Variants in AQR observed in about 807,000 individuals in gnomAD.
AQR encodes RNA helicase aquarius.
A neutral mutation model predicts 180.5 loss-of-function variants in AQR; 61 were observed. The observed-to-expected ratio is 0.34, with a 90% CI of 0.28 to 0.42. The LOEUF is 0.42. Among genes scored for constraint, AQR ranks in the 10% least tolerant of loss-of-function variants. The probability of loss-of-function intolerance (pLI) is 1.00; values close to 1 mark genes in which losing one functional copy is unlikely to be tolerated. For missense variants in AQR, 1,281 were observed against 1,798.3 expected (o/e 0.71, Z 5.20); for synonymous variants, 551 against 588.8 (o/e 0.94, Z 0.93).
intron 30 of AQR, 60 bp from the exon 31 acceptor site, chr15:34,870,982 A>T: frequency 6.5e-7 from 1 of 1,535,962 alleles, no homozygotes; most frequent in Non-Finnish European, 8.9e-7. Context: ...TTTTATAGAG[A>T]AAATATCTCA....
At chr15:34,937,828 G>A (rs983596616) in intron 9 of AQR, among the ~76,000 whole-genome samples, 2 of 151,844 alleles carry the variant, frequency 1.3e-5, no homozygotes, top group East Asian at 1.9e-4. Flanking sequence ...AGGTTGCAGT[G>A]AGCCAAGATT....
chr15:34,900,595 G>A, intron 20 of AQR, 27 bp downstream of exon 20: 1 of 1,603,468 alleles, frequency 6.2e-7, no homozygotes, highest in Non-Finnish European at 8.5e-7. Flanking sequence ...GAATGCTGGA[G>A]AGGAGCGTAC....
At chr15:34,959,007 AT>A (rs1894375171) in intron 3 of AQR, among the ~76,000 whole-genome samples, 5 of 139,390 alleles carry the variant, frequency 3.6e-5, no homozygotes, top group Non-Finnish European at 7.8e-5. Flanking sequence ...AGATATAGAT[AT>A]AGATATAGAT....
rs1385169135 is a variant in AQR, at chr15:34,915,048, T to C, written c.1474A>G (p.Met492Val). The C allele has an allele frequency of 6.2e-7, 1 of 1,603,744 alleles. No homozygotes were observed. Among genetic ancestry groups the C allele is most frequent in the Non-Finnish European group, 8.5e-7 (1 of 1,177,198 alleles). The change falls in exon 16 of 35, where the codon ATG (methionine) becomes GTG (valine). Residue 492 changes from methionine to valine, a missense_variant. Met to Val is a conservative substitution (Grantham distance 21). Around this residue, in one of 9 missense-constraint regions of AQR, gnomAD observed 200 missense variants for 293.4 expected, o/e 0.68. Transcript: ENST00000156471. ...RQDIEDSVSR[M>V]KPWQSEYGGV... ...AACCAATTTACTAACCATGGCTTCA[T>C]TCTGCTGACACTATCTTCAATGTCC... is the stretch of plus-strand genomic sequence containing the variant.
At chr15:34,907,306 G>A (rs1893433056) in intron 17 of AQR, among the ~76,000 whole-genome samples, 1 of 152,236 alleles carries the variant, frequency 6.6e-6, no homozygotes, top group South Asian at 2.1e-4. Context: ...GGAGACTTGT[G>A]CCAGAGTCCA....
intron 8 of AQR, among the ~76,000 whole-genome samples, chr15:34,939,986 C>T (rs553387898): frequency 6.6e-6 from 1 of 152,222 alleles, no homozygotes; most frequent in African/African-American, 2.4e-5. Flanking sequence ...CTATACATAT[C>T]CCAATCATTA....
At chr15:34,895,224 AAC>A (rs1566984273) in intron 22 of AQR, among the ~76,000 whole-genome samples, 4 of 118,696 alleles carry the variant, frequency 3.4e-5, no homozygotes, top group Non-Finnish European at 5.3e-5. Context: ...ATATATATGA[AAC>A]AAATAAAAAC....
chr15:34,902,801 C>T (rs1431379174), intron 19 of AQR, among the ~76,000 whole-genome samples: 1 of 152,068 alleles, frequency 6.6e-6, no homozygotes. Context: ...CTCCATCCTT[C>T]GATCACTCAA....
At chr15:34,907,420 C>T (rs900988399) in intron 17 of AQR, among the ~76,000 whole-genome samples, 1 of 152,216 alleles carries the variant, frequency 6.6e-6, no homozygotes, top group Non-Finnish European at 1.5e-5. Context: ...GACCTCACAG[C>T]ATGTAATGCT....
chr15:34,927,663 GAGATAATATCCCT>G (rs11267857), intron 12 of AQR, among the ~76,000 whole-genome samples: 60,373 of 152,034 alleles, frequency 0.4, 14,548 homozygotes, highest in Non-Finnish European at 0.54. Flanking sequence ...CAGAGTGACT[GAGATAATATCCCT>G]AGTCTTCCTT....
At chr15:34,896,718 G>A (rs758977283) in intron 22 of AQR, among the ~76,000 whole-genome samples, 179 bp downstream of exon 22, 11 of 152,068 alleles carry the variant, frequency 7.2e-5, no homozygotes, top group Non-Finnish European at 1.5e-4. Flanking sequence ...GCATGGTGGC[G>A]GGTACCTGTA....
chr15:34,883,852 T>C (rs1217263475), intron 26 of AQR, among the ~76,000 whole-genome samples: 4 of 152,192 alleles, frequency 2.6e-5, no homozygotes, highest in African/African-American at 4.8e-5. Flanking sequence ...TCTGTTCCCA[T>C]TGTGTAGCTA....
intron 19 of AQR, among the ~76,000 whole-genome samples, chr15:34,902,388 A>G (rs1447456934): frequency 1.3e-5 from 2 of 152,208 alleles, no homozygotes; most frequent in Admixed American, 1.3e-4. Context: ...CTACACAGAT[A>G]CATAATGAAA....
At chr15:34,923,010 T>C (rs1289381721) in intron 13 of AQR, among the ~76,000 whole-genome samples, 1 of 152,152 alleles carries the variant, frequency 6.6e-6, no homozygotes, top group Non-Finnish European at 1.5e-5. Context: ...CCCTTATCTG[T>C]GGTTTCACTT....
At chr15:34,930,477 A>G (rs1365916362) in intron 11 of AQR, 106 bp from the exon 12 acceptor site, 3 of 614,314 alleles carry the variant, frequency 4.9e-6, no homozygotes, top group Non-Finnish European at 8.4e-6. Context: ...AGAGGTGCTG[A>G]AAAAACTCAG....
Position 34,964,231 on chromosome 15 carries a change from T to TA in AQR, c.132+2dup. On this transcript the variant is annotated splice_region_variant and intron_variant, in intron 2 of 34. Transcript: ENST00000156471. ...GAATTATGTTGAAACCAAAAATACT[T>TA]ACCTTTATATCAAAAGGTGATTTCT... 1 of 1,594,832 alleles carries TA rather than the reference T, an allele frequency of 6.3e-7. No individual in the cohort carries two copies. Among genetic ancestry groups the TA allele is most frequent in the Non-Finnish European group, 8.6e-7 (1 of 1,164,480 alleles).
Position 34,888,871 on chromosome 15 carries a change from T to C in AQR, c.2681+1344A>G, listed in dbSNP as rs1167679144. Among the ~76,000 whole-genome samples, 3 of 152,336 alleles carry C rather than the reference T, an allele frequency of 2.0e-5. No homozygotes were observed. In the East Asian group the frequency reaches 5.8e-4, roughly 29 times the overall value. On this transcript the variant is annotated intron_variant, in intron 24 of 34. Coordinates refer to ENST00000156471, the MANE Select transcript of AQR (RefSeq NM_014691.3). ...TGATGCTACTTTTATTGTGAAACAA[T>C]AGTCATAATTTTTCTTTTTAATTGT...
Position 34,855,520 on chromosome 15 carries a change from T to C in AQR, c.*1272A>G, listed in dbSNP as rs1034700627. On this transcript the variant is annotated 3_prime_UTR_variant, in exon 35 of 35. Coordinates refer to ENST00000156471, the MANE Select transcript of AQR (RefSeq NM_014691.3). The stretch of plus-strand genomic sequence containing the variant: ...CAATTTTCCCCTCTACACATACATA[T>C]AAACATTTCCTTTTTTTTTTTTTTT... 2.9e-5 allele frequency: 4 copies of C among 138,684 alleles called. No homozygotes were observed. The highest frequency in any genetic ancestry group is 2.3e-4 in the Admixed American group (3 of 13,070). The allele number at this position is 138,684 out of a possible 1,614,324, so 8.6% of individuals were successfully genotyped here. A position where few individuals can be genotyped will look rare whatever the true frequency, so the allele number is the denominator to read the frequency against.
At chr15:34,944,518 A>G in intron 5 of AQR, 90 bp from the exon 6 acceptor site, 1 of 1,304,612 alleles carries the variant, frequency 7.7e-7, no homozygotes, top group East Asian at 2.5e-5. Flanking sequence ...CAGTCTATTA[A>G]AAAAACCAAA....
Sources: allele counts gnomAD v4.1 joint callset (sites outside exome capture counted in the v4.1 genomes callset), GRCh38; gene constraint gnomAD v4.1.1; regional missense constraint gnomAD v4.1.1; transcripts MANE v1.5; gene names NCBI Gene and HGNC (gene_info 2026-07-23, HGNC 2026-07-21).